The following GABRB2 variants were observed in gnomAD, a reference collection of about 807,000 sequenced individuals.
GABRB2 encodes gamma-aminobutyric acid receptor subunit beta-2.
Under a neutral mutation model 54.7 loss-of-function variants are expected in GABRB2, and 16 were observed. The observed-to-expected ratio is 0.29, with a 90% CI of 0.20 to 0.44. The LOEUF (loss-of-function observed/expected upper bound fraction) is 0.44, where lower values mean the gene tolerates loss of function less well. GABRB2 is among the 20% of genes least tolerant of loss of function. The pLI, the probability that GABRB2 is intolerant of heterozygous loss-of-function variation, is 1.00. For synonymous variants in GABRB2, 244 were observed against 233.8 expected, an observed-to-expected ratio of 1.04 and a Z score of -0.40; for missense variants, 355 against 644.0, an observed-to-expected ratio of 0.55 and a Z score of 4.86.
rs1757337295 is a variant in GABRB2 at position 161,437,190 on chromosome 5, C to T, written c.458+22434G>A. Among the ~76,000 whole-genome samples the T allele has an allele frequency of 2.0e-5, 3 of 151,972 alleles. No homozygotes were observed. In the South Asian group the frequency reaches 6.2e-4, roughly 32 times the overall value. On this transcript the variant is annotated intron_variant, in intron 4 of 9. Transcript: ENST00000393959. ...CAGTGGAGTGTTAGCATCACCACCCCTCCACCCAATCCCAGGCTGCACAGC... is the reference window on the plus strand; with the variant it reads ...CAGTGGAGTGTTAGCATCACCACCCTTCCACCCAATCCCAGGCTGCACAGC...
At chr5:161,506,194 C>G (rs922605183) in intron 3 of GABRB2, among the ~76,000 whole-genome samples, 1 of 151,968 alleles carries the variant, frequency 6.6e-6, no homozygotes, top group Non-Finnish European at 1.5e-5. Context: ...ATTCAACATA[C>G]TAAGGAAAAG....
intron 4 of GABRB2, among the ~76,000 whole-genome samples, chr5:161,433,458 A>T (rs1580981927): frequency 6.6e-6 from 1 of 151,538 alleles, no homozygotes; most frequent in Non-Finnish European, 1.5e-5. Flanking sequence ...AAAAAAAAAA[A>T]AAATAGTCGG....
At chr5:161,509,577 A>T (rs1759704191) in intron 3 of GABRB2, among the ~76,000 whole-genome samples, 2 of 151,736 alleles carry the variant, frequency 1.3e-5, no homozygotes, top group Admixed American at 1.3e-4. Flanking sequence ...TACTCATGGC[A>T]CTCTATCGTA....
At chr5:161,510,168 T>C (rs1165832250) in intron 3 of GABRB2, among the ~76,000 whole-genome samples, 1 of 151,836 alleles carries the variant, frequency 6.6e-6, no homozygotes, top group East Asian at 1.9e-4. Flanking sequence ...AAATGTACAA[T>C]TTATTATGAC....
intron 5 of GABRB2, among the ~76,000 whole-genome samples, chr5:161,376,568 C>T (rs551616729): frequency 2.0e-5 from 3 of 152,222 alleles, no homozygotes; most frequent in African/African-American, 7.2e-5. Flanking sequence ...CTTTTGGTTT[C>T]ATGTGCTGTT....
At chr5:161,306,103 T>C (rs1371190185) in intron 9 of GABRB2, among the ~76,000 whole-genome samples, 1 of 149,758 alleles carries the variant, frequency 6.7e-6, no homozygotes, top group Non-Finnish European at 1.5e-5. Flanking sequence ...TGGTTCTCTC[T>C]TGTTCATGGG....
intron 4 of GABRB2, among the ~76,000 whole-genome samples, chr5:161,412,237 G>T (rs767582407): frequency 3.9e-5 from 6 of 152,312 alleles, no homozygotes; most frequent in Non-Finnish European, 8.8e-5. Context: ...GGTGCAGAAT[G>T]GAAACATGTG....
At chr5:161,316,179 T>G (rs1188136830) in intron 9 of GABRB2, among the ~76,000 whole-genome samples, 1 of 152,220 alleles carries the variant, frequency 6.6e-6, no homozygotes, top group East Asian at 1.9e-4. Context: ...CACATCCTTA[T>G]TTTTTGACAG....
At chr5:161,312,076 C>T (rs147631515) in intron 9 of GABRB2, among the ~76,000 whole-genome samples, 26 of 151,736 alleles carry the variant, frequency 1.7e-4, no homozygotes, top group African/African-American at 5.6e-4. Flanking sequence ...TCAATCTCAA[C>T]CAAGGTACTG....
intron 7 of GABRB2, among the ~76,000 whole-genome samples, chr5:161,333,425 C>T (rs1192793371): frequency 6.6e-6 from 1 of 152,156 alleles, no homozygotes; most frequent in East Asian, 1.9e-4. Flanking sequence ...GTGTATATAT[C>T]ACAGGTGCTT....
chr5:161,520,153 C>A (rs187377349), intron 3 of GABRB2, among the ~76,000 whole-genome samples: 1 of 152,136 alleles, frequency 6.6e-6, no homozygotes, highest in Non-Finnish European at 1.5e-5. Context: ...AATATAACCA[C>A]ACCTTCCAGC....
At chr5:161,372,744 T>A (rs553798321) in intron 5 of GABRB2, among the ~76,000 whole-genome samples, 1 of 152,298 alleles carries the variant, frequency 6.6e-6, no homozygotes, top group African/African-American at 2.4e-5. Flanking sequence ...AAAATTCACA[T>A]CAATTCCAGC....
At chr5:161,499,080 C>T (rs1226972237) in intron 3 of GABRB2, among the ~76,000 whole-genome samples, 3 of 152,032 alleles carry the variant, frequency 2.0e-5, no homozygotes, top group East Asian at 3.9e-4. Flanking sequence ...TTCCAGAGCT[C>T]GGGCCTTCAC....
chr5:161,525,371 T>G (rs1329265667), intron 3 of GABRB2, among the ~76,000 whole-genome samples: 2 of 151,378 alleles, frequency 1.3e-5, no homozygotes, highest in African/African-American at 2.4e-5. Context: ...TAATAATTTT[T>G]AGATTGGAAA....
intron 4 of GABRB2, among the ~76,000 whole-genome samples, chr5:161,457,554 T>C (rs2113257111): frequency 6.6e-6 from 1 of 151,410 alleles, no homozygotes; most frequent in South Asian, 2.1e-4. Flanking sequence ...CACACCATTC[T>C]CCTGCCTCAG....
chr5:161,442,282 T>C (rs1423826318), intron 4 of GABRB2, among the ~76,000 whole-genome samples: 1 of 152,144 alleles, frequency 6.6e-6, no homozygotes, highest in Non-Finnish European at 1.5e-5. Context: ...AATGGAATGA[T>C]TGAATAAGCA....
intron 9 of GABRB2, among the ~76,000 whole-genome samples, chr5:161,316,719 C>T (rs1758041343): frequency 6.6e-6 from 1 of 152,108 alleles, no homozygotes; most frequent in Non-Finnish European, 1.5e-5. Context: ...TCAAGCGATT[C>T]TCCTGCCTCA....
At chr5:161,437,201 C>T (rs1245280519) in intron 4 of GABRB2, among the ~76,000 whole-genome samples, 1 of 151,928 alleles carries the variant, frequency 6.6e-6, no homozygotes, top group Non-Finnish European at 1.5e-5. Flanking sequence ...TCCACCCAAT[C>T]CCAGGCTGCA....
At chr5:161,348,036 G>C (rs1349257700) in intron 5 of GABRB2, among the ~76,000 whole-genome samples, 1 of 151,886 alleles carries the variant, frequency 6.6e-6, no homozygotes, top group Non-Finnish European at 1.5e-5. Context: ...GCTATACATG[G>C]GCTGTAGAAT....
Sources: allele counts gnomAD v4.1 joint callset (sites outside exome capture counted in the v4.1 genomes callset), GRCh38; gene constraint gnomAD v4.1.1; transcripts MANE v1.5; gene names NCBI Gene and HGNC (gene_info 2026-07-23, HGNC 2026-07-21).